Variants in NDNF observed in about 807,000 individuals in gnomAD.
NDNF encodes the protein protein NDNF.
Under a neutral mutation model 42.0 loss-of-function variants are expected in NDNF, and 16 were observed. The observed-to-expected ratio is 0.38, with a 90% CI of 0.26 to 0.58. The LOEUF (loss-of-function observed/expected upper bound fraction) is 0.58, where lower values mean the gene tolerates loss of function less well. NDNF is among the 20% of genes least tolerant of loss of function. The pLI is 0.67. For synonymous variants in NDNF, 248 were observed against 251.7 expected (o/e 0.99, Z 0.14); for missense variants, 616 against 666.2 (o/e 0.92, Z 0.83).
At position 121,052,061 on chromosome 4, in the gene NDNF, A is replaced by G. The variant is rs537296719; in HGVS notation, c.-1-6223T>C. On this transcript the variant is annotated intron_variant, in intron 1 of 3. Transcript: ENST00000379692. ...CCTCAGAACAGCAGCCAACAGCTTT[A>G]CCTACCTGTGATAATATGATCAAAA... Among the ~76,000 whole-genome samples the G allele has an allele frequency of 1.1e-4, 16 of 152,326 alleles. No individual in the cohort carries two copies. In the East Asian group the frequency reaches 2.7e-3, roughly 26 times the overall value.
At chr4:121,061,662 C>T (rs1318927207) in intron 1 of NDNF, among the ~76,000 whole-genome samples, 2 of 152,120 alleles carry the variant, frequency 1.3e-5, no homozygotes, top group South Asian at 2.1e-4. Flanking sequence ...TTTACTCCCC[C>T]ACCATCCCCC....
At chr4:121,043,388 C>T (rs1727036210) in intron 2 of NDNF, among the ~76,000 whole-genome samples, 4 of 152,110 alleles carry the variant, frequency 2.6e-5, no homozygotes, top group Admixed American at 1.3e-4. Flanking sequence ...TTACATATTT[C>T]ACCCCTAGAA....
rs1304587614 is a variant in NDNF at position 121,036,395 on chromosome 4, C to T, written c.1576G>A (p.Ala526Thr). The change falls in exon 4 of 4, where the codon GCA becomes ACA. Residue 526 changes from alanine to threonine, a missense_variant. Ala to Thr is a moderately conservative substitution (Grantham distance 58). Transcript: ENST00000379692. Reference protein sequence around the residue: ...KYFHSQNLQKAVTTETIKGLQ... With the variant: ...KYFHSQNLQKTVTTETIKGLQ... ...CCTTTAATTGTTTCTGTGGTCACTG[C>T]TTTCTGCAGGTTTTGACTGTGGAAA... is the stretch of plus-strand genomic sequence containing the variant. 6.2e-7 allele frequency: 1 copy of T among 1,614,156 alleles called. No individual in the cohort carries two copies. Among genetic ancestry groups the T allele is most frequent in the Middle Eastern group, 1.7e-4 (1 of 6,060 alleles).
In NDNF at chr4:121,068,249, AC is replaced by A. The variant is rs540281425; in HGVS notation, c.-2+3743del. Among the ~76,000 whole-genome samples the A allele has an allele frequency of 3.0e-3, 455 of 152,322 alleles. 2 individuals are homozygous for A. Among genetic ancestry groups the A allele is most frequent in the African/African-American group, 0.011 (440 of 41,568 alleles). On this transcript the variant is annotated intron_variant, in intron 1 of 3. Transcript: ENST00000379692. ...TGCATGCTGAGTGTCACGTAATGTTACATTTGTAATACAGTGGAAAAATACA... is the reference window on the plus strand; with the variant it reads ...TGCATGCTGAGTGTCACGTAATGTTAATTTGTAATACAGTGGAAAAATACA...
At chr4:121,052,421 A>G (rs995031140) in intron 1 of NDNF, among the ~76,000 whole-genome samples, 3 of 152,256 alleles carry the variant, frequency 2.0e-5, no homozygotes, top group Non-Finnish European at 2.9e-5. Context: ...TGGAAAGTGC[A>G]TGATTATAAT....
chr4:121,042,667 T>G (rs1048940103), intron 2 of NDNF, among the ~76,000 whole-genome samples: 3 of 152,162 alleles, frequency 2.0e-5, no homozygotes, highest in African/African-American at 4.8e-5. Flanking sequence ...TAAACATAAT[T>G]GAACCTATCT....
In NDNF at chr4:121,051,122, G is replaced by A. The variant is rs1488303985; in HGVS notation, c.-1-5284C>T. Among the ~76,000 whole-genome samples, 4 of 152,088 alleles carry A rather than the reference G, an allele frequency of 2.6e-5. No individual in the cohort carries two copies. In the East Asian group the frequency reaches 7.7e-4, roughly 29 times the overall value. Reference sequence around the variant, plus strand: ...AGAGGAAACTTTTAAATATAAAAATGGAACATCTGCTGCCCACTTTCTTGC... The same window carrying A: ...AGAGGAAACTTTTAAATATAAAAATAGAACATCTGCTGCCCACTTTCTTGC... On this transcript the variant is annotated intron_variant, in intron 1 of 3. Coordinates refer to ENST00000379692, the MANE Select transcript of NDNF (RefSeq NM_024574.4).
intron 1 of NDNF, among the ~76,000 whole-genome samples, chr4:121,051,827 T>A (rs891706063): frequency 3.9e-5 from 6 of 152,216 alleles, no homozygotes; most frequent in Admixed American, 2.0e-4. Flanking sequence ...AATTAAGACT[T>A]TTAAGAGCAG....
intron 1 of NDNF, among the ~76,000 whole-genome samples, chr4:121,057,834 G>T (rs1002201880): frequency 6.6e-6 from 1 of 152,164 alleles, no homozygotes; most frequent in Non-Finnish European, 1.5e-5. Flanking sequence ...CGACAGTGTG[G>T]TGTTTACTTA....
intron 1 of NDNF, among the ~76,000 whole-genome samples, chr4:121,058,071 T>C (rs1398387295): frequency 6.6e-6 from 1 of 152,238 alleles, no homozygotes; most frequent in Admixed American, 6.5e-5. Context: ...ATGGGGCTTA[T>C]ATAACACAAG....
intron 2 of NDNF, among the ~76,000 whole-genome samples, chr4:121,044,974 A>C (rs1419257985): frequency 6.6e-6 from 1 of 152,216 alleles, no homozygotes; most frequent in Admixed American, 6.5e-5. Context: ...TCAGAAACAA[A>C]ACTTAATGCA....
chr4:121,049,275 A>C (rs1248905495), intron 1 of NDNF, among the ~76,000 whole-genome samples: 4 of 152,188 alleles, frequency 2.6e-5, no homozygotes, highest in South Asian at 2.1e-4. Context: ...TTATCTTTTC[A>C]AGGATATTTG....
At chr4:121,038,470 T>C (rs542471500) in intron 3 of NDNF, among the ~76,000 whole-genome samples, 1 of 152,210 alleles carries the variant, frequency 6.6e-6, no homozygotes, top group South Asian at 2.1e-4. Flanking sequence ...AACACAGGAA[T>C]AGTGGTAAAG....
chr4:121,071,527 C>A (rs6534247), intron 1 of NDNF: 130,802 of 151,924 alleles, frequency 0.86, 56,459 homozygotes, highest in Non-Finnish European at 0.88. Flanking sequence ...TAGCGGCGGG[C>A]GGAGGGCATG....
At chr4:121,039,215 T>A (rs377087639) in intron 3 of NDNF, among the ~76,000 whole-genome samples, 859 of 41,132 alleles carry the variant, frequency 0.021, 120 homozygotes, top group East Asian at 0.055. Context: ...TATATATATA[T>A]ATATATATAT....
chr4:121,060,353 T>G (rs1037620354), intron 1 of NDNF, among the ~76,000 whole-genome samples: 3 of 151,990 alleles, frequency 2.0e-5, no homozygotes, highest in Non-Finnish European at 4.4e-5. Flanking sequence ...GCTAATTTTT[T>G]TAGTTTTGGT....
intron 1 of NDNF, among the ~76,000 whole-genome samples, chr4:121,056,660 T>C (rs1182234039): frequency 1.3e-5 from 2 of 152,254 alleles, no homozygotes; most frequent in African/African-American, 2.4e-5. Context: ...TCAGGCCATA[T>C]GTACTATCTT....
intron 3 of NDNF, 128 bp downstream of exon 3, chr4:121,039,802 C>T: frequency 9.4e-7 from 1 of 1,062,286 alleles, no homozygotes; most frequent in Non-Finnish European, 1.3e-6. Flanking sequence ...TTATCTCCGT[C>T]TCATACCTCC....
chr4:121,042,272 C>G (rs1172008972), intron 2 of NDNF, among the ~76,000 whole-genome samples: 1 of 152,112 alleles, frequency 6.6e-6, no homozygotes, highest in East Asian at 1.9e-4. Context: ...ACCTAAGAAT[C>G]CTAACACCAC....
Sources: allele counts gnomAD v4.1 joint callset (sites outside exome capture counted in the v4.1 genomes callset), GRCh38; gene constraint gnomAD v4.1.1; transcripts MANE v1.5; gene names NCBI Gene and HGNC (gene_info 2026-07-23, HGNC 2026-07-21).